The following TMCO1 variants were observed in gnomAD, a reference collection of about 807,000 sequenced individuals.
TMCO1 encodes calcium load-activated calcium channel.
In TMCO1, 29 loss-of-function variants were observed where a neutral mutation model predicts 29.3. That is an observed-to-expected ratio of 0.99 (90% CI 0.74 to 1.35). The LOEUF (loss-of-function observed/expected upper bound fraction) is 1.35, where lower values mean the gene tolerates loss of function less well. TMCO1 is among the 40% of genes most tolerant of loss of function. TMCO1 has a pLI of 0.00. For missense variants in TMCO1, 173 were observed against 225.5 expected, an observed-to-expected ratio of 0.77 and a Z score of 1.49; for synonymous variants, 80 against 77.1, an observed-to-expected ratio of 1.04 and a Z score of -0.20.
chr1:165,730,167 C>CAAAA (rs1294499398), intron 6 of TMCO1, among the ~76,000 whole-genome samples: 56 of 133,358 alleles, frequency 4.2e-4, no homozygotes, highest in African/African-American at 1.4e-3. Context: ...TAAAAATACA[C>CAAAA]ACACACAAAA....
In TMCO1 at chr1:165,728,082, C is replaced by A. The variant is rs150796970; in HGVS notation, c.508G>T (p.Ala170Ser). 2.0e-5 allele frequency: 32 copies of A among 1,608,014 alleles called. No individual in the cohort carries two copies. The highest frequency in any genetic ancestry group is 2.5e-5 in the Non-Finnish European group (29 of 1,176,188). Residue 170 changes from alanine (A) to serine (S), a missense_variant, in exon 7 of 7, where the codon GCC (alanine) becomes TCC (serine). Coordinates refer to ENST00000367881, the MANE Select transcript of TMCO1 (RefSeq NM_019026.6). ...AGAAATCCACCTGCCTGCTTGGTGG[C>A]GGCTCGTGAAGGGGCAAGGCCGAGA... The part of the protein sequence containing the change: ...KILGLAPSRA[A>S]TKQAGGFLGP...
intron 5 of TMCO1, among the ~76,000 whole-genome samples, chr1:165,743,693 G>A (rs73022519): frequency 0.013 from 2,024 of 151,952 alleles, 54 homozygotes; most frequent in African/African-American, 0.047. Flanking sequence ...TTGCCGTGTC[G>A]GTCAGGCTGG....
At chr1:165,742,407 C>T (rs1213811193) in intron 6 of TMCO1, among the ~76,000 whole-genome samples, 1 of 152,166 alleles carries the variant, frequency 6.6e-6, no homozygotes, top group Non-Finnish European at 1.5e-5. Context: ...GGACTACAGG[C>T]ACATGCCACC....
At chr1:165,738,804 A>G (rs1448258151) in intron 6 of TMCO1, among the ~76,000 whole-genome samples, 3 of 152,236 alleles carry the variant, frequency 2.0e-5, no homozygotes, top group African/African-American at 4.8e-5. Flanking sequence ...CAAGATGACT[A>G]TCACTGAGGA....
intron 6 of TMCO1, among the ~76,000 whole-genome samples, chr1:165,736,018 G>A (rs969630451): frequency 3.9e-5 from 6 of 152,320 alleles, no homozygotes; most frequent in Admixed American, 1.3e-4. Flanking sequence ...AACTTTTGGA[G>A]GTGATTAGGT....
At chr1:165,738,652 GCTAA>G (rs1310138266) in intron 6 of TMCO1, among the ~76,000 whole-genome samples, 1 of 152,166 alleles carries the variant, frequency 6.6e-6, no homozygotes, top group East Asian at 1.9e-4. Flanking sequence ...TTGTGCATAA[GCTAA>G]CAGTGAGTAA....
intron 2 of TMCO1, among the ~76,000 whole-genome samples, chr1:165,763,673 C>T (rs1463546074): frequency 6.6e-6 from 1 of 152,186 alleles, no homozygotes; most frequent in African/African-American, 2.4e-5. Flanking sequence ...GGCTGGAATG[C>T]AGTGGCCCAA....
At chr1:165,756,034 T>C (rs72699932) in intron 3 of TMCO1, among the ~76,000 whole-genome samples, 6 of 138,352 alleles carry the variant, frequency 4.3e-5, no homozygotes, top group East Asian at 4.5e-4. Flanking sequence ...AAGAATTATA[T>C]GGGCAGCTTG....
Position 165,728,092 on chromosome 1 carries a change from AG to A in TMCO1, c.497del (p.Pro166LeufsTer47). ...QNIQKILGLA[P>X]SRAATKQAGG... ...CTGCCTGCTTGGTGGCGGCTCGTGAAGGGGCAAGGCCGAGAATCTTCTGAAT... is the reference window on the plus strand; with the variant it reads ...CTGCCTGCTTGGTGGCGGCTCGTGAAGGGCAAGGCCGAGAATCTTCTGAAT... On this transcript the variant is annotated frameshift_variant, in exon 7 of 7. Transcript: ENST00000367881. LOFTEE classifies it high-confidence loss of function. 6.2e-7 allele frequency: 1 copy of A among 1,608,732 alleles called. No individual in the cohort carries two copies.
intron 5 of TMCO1, among the ~76,000 whole-genome samples, chr1:165,744,111 G>A (rs115586486): frequency 6.6e-6 from 1 of 152,036 alleles, no homozygotes; most frequent in Non-Finnish European, 1.5e-5. Flanking sequence ...GCCTGCCTCA[G>A]CCTCTCAAAG....
intron 6 of TMCO1, among the ~76,000 whole-genome samples, chr1:165,737,241 C>A (rs1387396273): frequency 1.3e-5 from 2 of 151,510 alleles, no homozygotes; most frequent in African/African-American, 4.9e-5. Flanking sequence ...ACCTAAAATT[C>A]AAAAATCATT....
In TMCO1 at chr1:165,738,156, G is replaced by A. The variant is rs192929099; in HGVS notation, c.468+5011C>T. ...AAAAATACAAAAATTAGCTGGGTGT[G>A]GTGGCATGCACCTGTAATCCCAGCT... On this transcript the variant is annotated intron_variant, in intron 6 of 6. Coordinates refer to ENST00000367881, the MANE Select transcript of TMCO1 (RefSeq NM_019026.6). 2.7e-3 allele frequency among the ~76,000 whole-genome samples: 409 copies of A among 152,302 alleles called. 1 individual carries two copies. The highest frequency in any genetic ancestry group is 4.5e-3 in the Non-Finnish European group (303 of 68,018).
intron 3 of TMCO1, among the ~76,000 whole-genome samples, chr1:165,755,717 C>T (rs1652169252): frequency 6.6e-6 from 1 of 152,178 alleles, no homozygotes; most frequent in African/African-American, 2.4e-5. Context: ...CCCACTCAGA[C>T]AAGCTTCAGA....
chr1:165,734,319 C>A (rs1021183018), intron 6 of TMCO1, among the ~76,000 whole-genome samples: 10 of 152,136 alleles, frequency 6.6e-5, no homozygotes, highest in African/African-American at 2.4e-4. Flanking sequence ...GGTTAGCAAT[C>A]AGAAAACTTG....
chr1:165,754,334 A>C, intron 3 of TMCO1, 60 bp from the exon 4 acceptor site: 1 of 1,349,166 alleles, frequency 7.4e-7, no homozygotes, highest in Non-Finnish European at 1.1e-6. Context: ...CAGCTGTTAA[A>C]TAAACTGTCA....
rs12077778 is a variant in TMCO1 at position 165,756,269 on chromosome 1, G to A, written c.209-1995C>T. ...TCCTAAGGGGTTGGGAGTGGGGAAG[G>A]ACACAGGGAAGGTTAGGTGAAGACA... On this transcript the variant is annotated intron_variant, in intron 3 of 6. Coordinates refer to ENST00000367881, the MANE Select transcript of TMCO1 (RefSeq NM_019026.6). Among the ~76,000 whole-genome samples, 1,082 of 152,226 alleles carry A rather than the reference G, an allele frequency of 7.1e-3. 23 individuals are homozygous for A. Among genetic ancestry groups the A allele is most frequent in the South Asian group, 0.05 (240 of 4,820 alleles).
intron 5 of TMCO1, among the ~76,000 whole-genome samples, chr1:165,749,986 T>C (rs1016019502): frequency 7.2e-5 from 11 of 152,110 alleles, no homozygotes; most frequent in Non-Finnish European, 2.9e-5. Flanking sequence ...GAAAGAAATA[T>C]TATTTTTCAA....
In TMCO1 at chr1:165,768,741, A is replaced by C. The variant is rs1652679439; in HGVS notation, c.11T>G (p.Met4Arg). ...AACGATGAGGAGAGTGTCCGCGAACATAGTGCTCATCTCGCACCTTCGTCT... is the reference window on the plus strand; with the variant it reads ...AACGATGAGGAGAGTGTCCGCGAACCTAGTGCTCATCTCGCACCTTCGTCT... MST[M>R]FADTLLIVFI... Residue 4 changes from methionine (M) to arginine (R), a missense_variant, in exon 1 of 7, where the codon ATG becomes AGG. Physicochemically the swap from Met to Arg is moderately conservative, Grantham distance 91. Transcript: ENST00000367881. The C allele has an allele frequency of 6.2e-7, 1 of 1,614,032 alleles. No individual in the cohort carries two copies. The highest frequency in any genetic ancestry group is 1.3e-5 in the African/African-American group (1 of 74,902).
At chr1:165,753,201 G>A (rs960306952) in intron 4 of TMCO1, among the ~76,000 whole-genome samples, 7 of 151,958 alleles carry the variant, frequency 4.6e-5, no homozygotes, top group African/African-American at 1.4e-4. Context: ...AGCCAGGCAC[G>A]GTAGCTCACA....
Sources: allele counts gnomAD v4.1 joint callset (sites outside exome capture counted in the v4.1 genomes callset), GRCh38; gene constraint gnomAD v4.1.1; transcripts MANE v1.5; gene names NCBI Gene and HGNC (gene_info 2026-07-23, HGNC 2026-07-21).